The following AP3B2 variants were observed in gnomAD, a reference collection of about 807,000 sequenced individuals.
AP3B2 encodes the protein adaptor related protein complex 3 subunit beta 2, also known as AP-3 complex subunit beta-2.
Under a neutral mutation model 126.9 loss-of-function variants are expected in AP3B2, and 50 were observed. That is an observed-to-expected ratio of 0.39 (90% CI 0.31 to 0.50). The LOEUF is 0.50. Ranked by LOEUF, AP3B2 falls within the 20% of genes least tolerant of loss-of-function variation. AP3B2 has a pLI of 0.79. For missense variants in AP3B2, 1,177 were observed against 1,426.4 expected (o/e 0.83, Z 2.82); for synonymous variants, 541 against 565.0 (o/e 0.96, Z 0.60).
chr15:82,659,931 G>C lies in AP3B2; in HGVS notation c.3069C>G (p.Thr1023=). 6.2e-7 allele frequency: 1 copy of C among 1,613,970 alleles called. No homozygotes were observed. Among genetic ancestry groups the C allele is most frequent in the Non-Finnish European group, 8.5e-7 (1 of 1,179,882 alleles). ...EITEKLMLPD[T]CRSDHIVVQK... ...GCACCACAATGTGGTCACTCCGACA[G>C]GTGTCTGGCAGCATGAGTTTCTCTG... The change falls in exon 26 of 27, where the codon ACC becomes ACG. Residue 1023 remains threonine (T), a synonymous_variant. Coordinates refer to ENST00000535359, the MANE Select transcript of AP3B2 (RefSeq NM_001278512.2).
chr15:82,703,550 G>A (rs2048752948), intron 1 of AP3B2, among the ~76,000 whole-genome samples: 1 of 151,996 alleles, frequency 6.6e-6, no homozygotes, highest in South Asian at 2.1e-4. Flanking sequence ...AAACCTAAAT[G>A]CCTTATTTTC....
chr15:82,660,609 G>C (rs1446627552), intron 25 of AP3B2, among the ~76,000 whole-genome samples: 1 of 152,098 alleles, frequency 6.6e-6, no homozygotes, highest in African/African-American at 2.4e-5. Context: ...CCCCATGGGA[G>C]CTCCTCCGTC....
At chr15:82,672,531 G>T (rs745689804) in intron 14 of AP3B2, among the ~76,000 whole-genome samples, 2 of 152,122 alleles carry the variant, frequency 1.3e-5, no homozygotes, top group Non-Finnish European at 2.9e-5. Flanking sequence ...GAATGTGTAA[G>T]ATCTAGTATT....
chr15:82,680,619 C>T lies in AP3B2; in HGVS notation c.908G>A (p.Arg303Gln), dbSNP rs1279518159. 1.9e-6 allele frequency: 3 copies of T among 1,596,146 alleles called. No homozygotes were observed. The highest frequency in any genetic ancestry group is 1.1e-5 in the South Asian group (1 of 90,670). ...RKPYVMDPDH[R>Q]LLLRNTKPLL... is the part of the protein sequence containing the mutation. ...GGGTTTGGTGTTGCGCAGCAGCAGC[C>T]GGTGGTCGGGGTCCATGACATAGGG... The change falls in exon 8 of 27, where the codon CGG becomes CAG. Residue 303 changes from arginine (R) to glutamine (Q), a missense_variant. By Grantham distance (43) the Arg-to-Gln change is conservative (BLOSUM62 1). Coordinates refer to ENST00000535359, the MANE Select transcript of AP3B2 (RefSeq NM_001278512.2). This position sits in a 1 kb window ranked among gnomAD's most constrained non-coding sequence, Gnocchi z 6.1.
At chr15:82,689,279 A>G (rs528929007) in intron 2 of AP3B2, 47 bp from the exon 3 acceptor site, 2 of 1,612,614 alleles carry the variant, frequency 1.2e-6, no homozygotes, top group South Asian at 2.2e-5. Context: ...AGCGAGAGGC[A>G]CAGCACTAAC....
chr15:82,693,427 A>G (rs946005293), intron 1 of AP3B2, among the ~76,000 whole-genome samples: 3 of 151,252 alleles, frequency 2.0e-5, no homozygotes, highest in Non-Finnish European at 4.4e-5. Context: ...TTGTATTTTT[A>G]GTAGAGACAG....
At chr15:82,671,762 G>A (rs2048163355) in intron 14 of AP3B2, among the ~76,000 whole-genome samples, 1 of 144,822 alleles carries the variant, frequency 6.9e-6, no homozygotes, top group African/African-American at 2.5e-5. Flanking sequence ...ACTACAAATA[G>A]GCCAGGTGCA....
rs536520168 is a variant in AP3B2, at chr15:82,674,749, T to G, written c.1665+1712A>C. ...CAGTAACAACTTGGGGGAAATGACA[T>G]GTGGACAGGCCCAGGCTTATGAAAA... On this transcript the variant is annotated intron_variant, in intron 14 of 26. Coordinates refer to ENST00000535359, the MANE Select transcript of AP3B2 (RefSeq NM_001278512.2). Among the ~76,000 whole-genome samples, 82 of 152,282 alleles carry G rather than the reference T, an allele frequency of 5.4e-4. 1 individual carries two copies. Among genetic ancestry groups the G allele is most frequent in the South Asian group, 3.9e-3 (19 of 4,824 alleles).
At chr15:82,704,198 C>G (rs1025427550) in intron 1 of AP3B2, among the ~76,000 whole-genome samples, 2 of 152,168 alleles carry the variant, frequency 1.3e-5, no homozygotes, top group Non-Finnish European at 2.9e-5. Context: ...AACCCTGAGA[C>G]GCTTTACAGC....
intron 25 of AP3B2, 119 bp from the exon 26 acceptor site, chr15:82,660,102 T>C (rs1041094362): frequency 1.7e-4 from 216 of 1,285,680 alleles, no homozygotes; most frequent in Non-Finnish European, 2.1e-5. Flanking sequence ...AAAGGGCAGG[T>C]CAGAATTTAA....
At position 82,664,076 on chromosome 15, in the gene AP3B2, C is replaced by T. The variant is rs1412094814; in HGVS notation, c.2262-101G>A. The T allele has an allele frequency of 6.8e-7, 1 of 1,474,772 alleles. No homozygotes were observed. The highest frequency in any genetic ancestry group is 9.0e-7 in the Non-Finnish European group (1 of 1,115,116). The allele number at this position is 1,474,772 out of a possible 1,614,324, so 91.4% of individuals were successfully genotyped here. On this transcript the variant is annotated intron_variant, in intron 19 of 26. Coordinates refer to ENST00000535359, the MANE Select transcript of AP3B2 (RefSeq NM_001278512.2). The surrounding 1 kb of genome is among the most constrained non-coding windows in gnomAD (Gnocchi z 4.5). The stretch of plus-strand genomic sequence containing the variant: ...TGAAAAGCTGGAGTGGTGTGGGGAG[C>T]CTGAGCCAGGAGGGTTCACACCTGA...
At chr15:82,661,716 G>C in intron 25 of AP3B2, 109 bp downstream of exon 25, 2 of 864,152 alleles carry the variant, frequency 2.3e-6, no homozygotes, top group South Asian at 3.3e-5. Context: ...AAAGTTTGCT[G>C]ACCCCTGGTC....
In AP3B2 at chr15:82,681,682, T is replaced by G; in HGVS notation, c.361-102A>C. ...CACTGTCCCCAGCGACCACTAGCTC[T>G]TGCTTCCCTGCCGCTTGACTGGAGC... On this transcript the variant is annotated intron_variant, in intron 4 of 26. Transcript: ENST00000535359. The surrounding 1 kb of genome is among the most constrained non-coding windows in gnomAD (Gnocchi z 4.0). 230 of 1,273,474 alleles carry G rather than the reference T, an allele frequency of 1.8e-4. No individual in the cohort carries two copies. Among genetic ancestry groups the G allele is most frequent in the Non-Finnish European group, 2.2e-4 (208 of 927,720 alleles). 78.9% of individuals were successfully genotyped at this position (1,273,474 alleles called of 1,614,324 possible).
Position 82,694,863 on chromosome 15 carries a change from T to A in AP3B2, c.114-5410A>T, listed in dbSNP as rs570518097. Among the ~76,000 whole-genome samples, 333 of 152,304 alleles carry A rather than the reference T, an allele frequency of 2.2e-3. 1 individual carries two copies. The highest frequency in any genetic ancestry group is 7.5e-3 in the African/African-American group (313 of 41,558). On this transcript the variant is annotated intron_variant, in intron 1 of 26. Coordinates refer to ENST00000535359, the MANE Select transcript of AP3B2 (RefSeq NM_001278512.2). ...GTGATATTGTAAAGAAATATATATTTGGTCTCTATACCCCATTTCTGAGAC... is the reference window on the plus strand; with the variant it reads ...GTGATATTGTAAAGAAATATATATTAGGTCTCTATACCCCATTTCTGAGAC...
chr15:82,704,778 G>C (rs1040848696), intron 1 of AP3B2, among the ~76,000 whole-genome samples: 7 of 152,240 alleles, frequency 4.6e-5, no homozygotes, highest in Admixed American at 1.3e-4. Flanking sequence ...CAGATGCTTT[G>C]GGTAACTCTT....
At chr15:82,707,468 A>C (rs554763191) in intron 1 of AP3B2, among the ~76,000 whole-genome samples, 4 of 152,226 alleles carry the variant, frequency 2.6e-5, no homozygotes, top group African/African-American at 9.6e-5. Context: ...CTATCTTCTG[A>C]CTAGTCATAC....
intron 14 of AP3B2, 103 bp from the exon 15 acceptor site, chr15:82,667,036 C>G: frequency 8.1e-7 from 1 of 1,241,836 alleles, no homozygotes; most frequent in South Asian, 1.4e-5. Context: ...AACGTCTCCT[C>G]TCCCTGCTTA....
chr15:82,698,699 C>T (rs2048668366), intron 1 of AP3B2, among the ~76,000 whole-genome samples: 1 of 152,038 alleles, frequency 6.6e-6, no homozygotes, highest in African/African-American at 2.4e-5. Context: ...CCTGGGCTTC[C>T]GTGGAAGGAG....
In AP3B2 at chr15:82,665,613, T is replaced by G; in HGVS notation, c.1853-38A>C. 1 of 1,525,160 alleles carries G rather than the reference T, an allele frequency of 6.6e-7. No homozygotes were observed. Among genetic ancestry groups the G allele is most frequent in the Non-Finnish European group, 9.1e-7 (1 of 1,102,872 alleles). The allele number at this position is 1,525,160 out of a possible 1,614,324, so 94.5% of individuals were successfully genotyped here. Reference sequence around the variant, plus strand: ...TTAGAGGTCAGGCAGGTAGCAGCAGTGAGGGAAAGCTCTGGGAGCTGTTTT... The same window carrying G: ...TTAGAGGTCAGGCAGGTAGCAGCAGGGAGGGAAAGCTCTGGGAGCTGTTTT... On this transcript the variant is annotated intron_variant, in intron 15 of 26. Coordinates refer to ENST00000535359, the MANE Select transcript of AP3B2 (RefSeq NM_001278512.2). This position sits in a 1 kb window ranked among gnomAD's most constrained non-coding sequence, Gnocchi z 4.4.
Sources: gnomAD v4.1 joint callset for allele counts (sites outside exome capture counted in the v4.1 genomes callset) on GRCh38, gnomAD v4.1.1 for gene constraint, Gnocchi (gnomAD v3.1) non-coding constraint, MANE v1.5 for transcripts, NCBI Gene and HGNC (gene_info 2026-07-23, HGNC 2026-07-21) for gene names.